PDE1A: variants seen among roughly 807,000 people sequenced by gnomAD.
PDE1A encodes phosphodiesterase 1A.
PDE1A carries 35 observed loss-of-function variants against 61.7 expected under a neutral mutation model. That is an observed-to-expected ratio of 0.57 (90% CI 0.43 to 0.75). The LOEUF (loss-of-function observed/expected upper bound fraction) is 0.75, where lower values mean the gene tolerates loss of function less well. PDE1A is among the 30% of genes least tolerant of loss of function. PDE1A has a pLI of 0.00. For missense variants in PDE1A, 597 were observed against 630.6 expected, an observed-to-expected ratio of 0.95 and a Z score of 0.57; for synonymous variants, 232 against 213.2, an observed-to-expected ratio of 1.09 and a Z score of -0.77.
chr2:182,626,254 TGA>T, the PDE1A span, among the ~76,000 whole-genome samples: 56 of 152,278 alleles, frequency 3.7e-4, 1 homozygote, highest in East Asian at 0.01. Flanking sequence ...GAATAGATCT[TGA>T]GAGTTCTAGT....
intron 8 of PDE1A, among the ~76,000 whole-genome samples, 194 bp from the exon 9 acceptor site, chr2:182,201,983 A>C (rs1686698198): frequency 1.3e-5 from 2 of 152,234 alleles, no homozygotes; most frequent in Non-Finnish European, 2.9e-5. Context: ...GGATCTAAGA[A>C]GTTGCCAGCA....
intron 2 of PDE1A, among the ~76,000 whole-genome samples, chr2:182,446,938 T>C (rs1685176730): frequency 6.9e-6 from 1 of 144,958 alleles, no homozygotes; most frequent in African/African-American, 2.4e-5. Context: ...TTAAGTGAGA[T>C]AATATATATA....
intron 13 of PDE1A, among the ~76,000 whole-genome samples, chr2:182,150,437 T>G (rs1007045599): frequency 6.6e-6 from 1 of 152,184 alleles, no homozygotes; most frequent in African/African-American, 2.4e-5. Flanking sequence ...CTTTTGAATT[T>G]CATCTTACTG....
chr2:182,579,909 TC>T, the PDE1A span, among the ~76,000 whole-genome samples: 1 of 152,308 alleles, frequency 6.6e-6, no homozygotes, highest in African/African-American at 2.4e-5. Flanking sequence ...AGCTAACTCT[TC>T]TTGTCCCCAA....
chr2:182,293,939 G>T (rs1694706018), intron 1 of PDE1A, among the ~76,000 whole-genome samples: 1 of 152,090 alleles, frequency 6.6e-6, no homozygotes, highest in African/African-American at 2.4e-5. Context: ...CTGCTTTCAG[G>T]GTTCCTGGAT....
chr2:182,298,406 G>A (rs180809722), intron 1 of PDE1A, among the ~76,000 whole-genome samples: 27 of 152,254 alleles, frequency 1.8e-4, no homozygotes, highest in Admixed American at 1.5e-3. Flanking sequence ...GCCTTATTGT[G>A]AGAAAGGCTA....
chr2:182,649,829 TA>T, the PDE1A span, among the ~76,000 whole-genome samples: 1 of 152,072 alleles, frequency 6.6e-6, no homozygotes. Flanking sequence ...AGGCTGGTCT[TA>T]AACTCCTGAC....
At chr2:182,286,688 T>G (rs550066709) in intron 1 of PDE1A, among the ~76,000 whole-genome samples, 83 of 152,244 alleles carry the variant, frequency 5.5e-4, no homozygotes, top group African/African-American at 1.8e-3. Context: ...GTGGAAGGCT[T>G]TATGGTTAAG....
downstream of PDE1A, among the ~76,000 whole-genome samples, chr2:182,146,538 T>C (rs752433659): frequency 6.6e-6 from 1 of 152,150 alleles, no homozygotes; most frequent in African/African-American, 2.4e-5. Context: ...CTGGCTGTAG[T>C]ATAGTGGCCT....
intron 2 of PDE1A, among the ~76,000 whole-genome samples, chr2:182,462,136 C>A (rs1686330520): frequency 6.6e-6 from 1 of 151,472 alleles, no homozygotes; most frequent in Non-Finnish European, 1.5e-5. Context: ...AGGGGAACAT[C>A]ACACACCGGG....
intron 1 of PDE1A, among the ~76,000 whole-genome samples, chr2:182,404,205 G>C (rs1702179232): frequency 6.6e-6 from 1 of 152,112 alleles, no homozygotes; most frequent in Non-Finnish European, 1.5e-5. Flanking sequence ...TTCTCTCTTG[G>C]ATATCCTCTG....
the PDE1A span, among the ~76,000 whole-genome samples, chr2:182,679,711 C>A: frequency 6.6e-6 from 1 of 152,160 alleles, no homozygotes; most frequent in Non-Finnish European, 1.5e-5. Context: ...AGAGCCATTT[C>A]ATGAAGAAGC....
intron 1 of PDE1A, among the ~76,000 whole-genome samples, chr2:182,383,269 T>C (rs1033037659): frequency 6.6e-6 from 1 of 152,200 alleles, no homozygotes; most frequent in African/African-American, 2.4e-5. Flanking sequence ...GCTGTGAAAA[T>C]CTTTTTTCAA....
At chr2:182,607,045 T>TG in the PDE1A span, among the ~76,000 whole-genome samples, 4 of 150,978 alleles carry the variant, frequency 2.6e-5, no homozygotes, top group South Asian at 4.2e-4. Flanking sequence ...AAATGTAACG[T>TG]GGGGGGAAAA....
the PDE1A span, among the ~76,000 whole-genome samples, chr2:182,557,666 C>T: frequency 1.3e-5 from 2 of 151,938 alleles, no homozygotes; most frequent in East Asian, 1.9e-4. Context: ...GAGCCAAAAT[C>T]GTGCCACTGC....
Position 182,426,911 on chromosome 2 carries a change from C to T in PDE1A, c.-281G>A, listed in dbSNP as rs1486802152. ...CGTTGATCCAGGCAAGAGAAGTGCA[C>T]GGGACCCTCCGAAACAGAACAAAAC... On this transcript the variant is annotated 5_prime_UTR_variant, in exon 1 of 14. In the 5' UTR this introduces an upstream ATG that the reference lacks. Coordinates refer to ENST00000351439, the Ensembl canonical transcript of PDE1A. The T allele has an allele frequency of 7.5e-6, 9 of 1,194,880 alleles. No individual in the cohort carries two copies. The South Asian group carries it at 1.6e-4, about 21-fold the overall frequency. The allele number at this position is 1,194,880 out of a possible 1,614,324, so 74.0% of individuals were successfully genotyped here. A position where few individuals can be genotyped will look rare whatever the true frequency, so the allele number is the denominator to read the frequency against.
chr2:182,319,795 A>G (rs1226998692), intron 1 of PDE1A, among the ~76,000 whole-genome samples: 1 of 152,234 alleles, frequency 6.6e-6, no homozygotes, highest in Non-Finnish European at 1.5e-5. Flanking sequence ...CAAAGTAAAT[A>G]AAGATGATAC....
chr2:182,555,149 C>T, the PDE1A span, among the ~76,000 whole-genome samples: 2 of 152,184 alleles, frequency 1.3e-5, no homozygotes, highest in African/African-American at 4.8e-5. Flanking sequence ...TAAACATTCC[C>T]TGACTTCAGA....
the PDE1A span, among the ~76,000 whole-genome samples, chr2:182,691,389 G>A: frequency 1.2e-3 from 183 of 152,192 alleles, no homozygotes; most frequent in Admixed American, 6.1e-3. Flanking sequence ...ATCTACAACC[G>A]TCTGATCTTT....
Sources: allele counts gnomAD v4.1 joint callset (sites outside exome capture counted in the v4.1 genomes callset), GRCh38; gene constraint gnomAD v4.1.1; transcripts MANE v1.5; gene names NCBI Gene and HGNC (gene_info 2026-07-23, HGNC 2026-07-21).